Variants in RARRES1 observed in about 807,000 individuals in gnomAD.
The protein encoded by RARRES1 is retinoic acid receptor responder 1.
A neutral mutation model predicts 30.6 loss-of-function variants in RARRES1; 34 were observed. That is an observed-to-expected ratio of 1.11 (90% CI 0.84 to 1.48). The LOEUF (loss-of-function observed/expected upper bound fraction) is 1.48. RARRES1 is among the 40% of genes most tolerant of loss of function. The pLI, the probability that RARRES1 is intolerant of heterozygous loss-of-function variation, is 0.00. For synonymous variants in RARRES1, 153 were observed against 155.5 expected (o/e 0.98, Z 0.12); for missense variants, 373 against 386.5 (o/e 0.97, Z 0.29).
chr3:158,731,974 C>G (rs966049583), intron 1 of RARRES1, among the ~76,000 whole-genome samples, 166 bp downstream of exon 1: 5 of 152,208 alleles, frequency 3.3e-5, no homozygotes, highest in African/African-American at 4.8e-5. Context: ...CCCTGGGATA[C>G]TTCAGGGGCG....
intron 1 of RARRES1, among the ~76,000 whole-genome samples, chr3:158,714,799 G>C (rs919082080): frequency 1.3e-5 from 2 of 152,162 alleles, no homozygotes; most frequent in Non-Finnish European, 2.9e-5. Flanking sequence ...TAGAGCTGAA[G>C]TTATTTCACA....
intron 3 of RARRES1, among the ~76,000 whole-genome samples, chr3:158,708,859 G>A (rs1271875002): frequency 1.3e-5 from 2 of 152,056 alleles, no homozygotes; most frequent in African/African-American, 2.4e-5. Flanking sequence ...GGGTTTCACC[G>A]TGTTAGCCAG....
chr3:158,697,924 T>C lies in RARRES1; in HGVS notation c.719A>G (p.His240Arg). Residue 240 changes from histidine to arginine, a missense_variant, in exon 5 of 6, where the codon CAT (histidine) becomes CGT (arginine). Coordinates refer to ENST00000237696, the MANE Select transcript of RARRES1 (RefSeq NM_206963.2). ...TIDFDYTVLL[H>R]ELSTQEIIPC... ...ATGTTTTACCTGTGTTGATAATTCA[T>C]GAAGTAGAACAGTATAATCAAAATC... 1.3e-6 allele frequency: 2 copies of C among 1,554,428 alleles called. No individual in the cohort carries two copies. Among genetic ancestry groups the C allele is most frequent in the Non-Finnish European group, 1.8e-6 (2 of 1,127,340 alleles).
chr3:158,720,750 C>T (rs1020364279), intron 1 of RARRES1, among the ~76,000 whole-genome samples: 1 of 152,086 alleles, frequency 6.6e-6, no homozygotes, highest in Non-Finnish European at 1.5e-5. Context: ...TTCTCCGGGC[C>T]GCCTTTATCT....
Position 158,732,402 on chromosome 3 carries a change from C to A in RARRES1, c.14G>T (p.Arg5Leu). The A allele has an allele frequency of 6.6e-7, 1 of 1,510,576 alleles. No individual in the cohort carries two copies. Among genetic ancestry groups the A allele is most frequent in the Non-Finnish European group, 8.8e-7 (1 of 1,134,878 alleles). The allele number at this position is 1,510,576 out of a possible 1,614,324, so 93.6% of individuals were successfully genotyped here. The part of the protein sequence containing the change: MQPR[R>L]QRLPAPWSGP... ...GGACCAGGGAGCAGGCAGCCGTTGC[C>A]GGCGGGGCTGCATGGACGCAGGAAA... Residue 5 changes from arginine (R) to leucine (L), a missense_variant, in exon 1 of 6, where the codon CGG (arginine) becomes CTG (leucine). Coordinates refer to ENST00000237696, the MANE Select transcript of RARRES1 (RefSeq NM_206963.2).
At chr3:158,706,936 A>T (rs1177277969) in intron 3 of RARRES1, among the ~76,000 whole-genome samples, 1 of 152,184 alleles carries the variant, frequency 6.6e-6, no homozygotes. Flanking sequence ...TGGGAGGCCA[A>T]GGGGGGTGGA....
intron 2 of RARRES1, among the ~76,000 whole-genome samples, chr3:158,711,600 CTTTTT>C (rs1175463184): frequency 8.2e-6 from 1 of 121,314 alleles, no homozygotes; most frequent in Non-Finnish European, 1.7e-5. Context: ...TTGCATTCAT[CTTTTT>C]TTTTTTTTTT....
At chr3:158,700,062 G>C (rs890246954) in intron 4 of RARRES1, among the ~76,000 whole-genome samples, 77 of 152,190 alleles carry the variant, frequency 5.1e-4, no homozygotes. Context: ...GGCTGGACAT[G>C]GTGGCTCATG....
intron 4 of RARRES1, 162 bp from the exon 5 acceptor site, chr3:158,698,132 A>G: frequency 5.1e-6 from 3 of 585,708 alleles, no homozygotes; most frequent in Non-Finnish European, 9.2e-6. Flanking sequence ...TATGGAAGTC[A>G]TGGATCCTCA....
At chr3:158,731,265 A>G (rs1489500081) in intron 1 of RARRES1, among the ~76,000 whole-genome samples, 3 of 152,158 alleles carry the variant, frequency 2.0e-5, no homozygotes, top group Non-Finnish European at 2.9e-5. Context: ...AACTCGACCT[A>G]TTTATTAAAT....
chr3:158,718,963 A>G, intron 1 of RARRES1, among the ~76,000 whole-genome samples: 1 of 152,210 alleles, frequency 6.6e-6, no homozygotes, highest in East Asian at 1.9e-4. Flanking sequence ...TATAGATTAC[A>G]GTGATTTCAT....
chr3:158,722,985 G>A (rs545548902), intron 1 of RARRES1, among the ~76,000 whole-genome samples: 3 of 152,044 alleles, frequency 2.0e-5, no homozygotes, highest in South Asian at 4.2e-4. Flanking sequence ...GAGAAACCTC[G>A]CTGTGCACCA....
At chr3:158,717,971 T>C (rs191051881) in intron 1 of RARRES1, among the ~76,000 whole-genome samples, 20 of 143,278 alleles carry the variant, frequency 1.4e-4, no homozygotes, top group Middle Eastern at 3.7e-3. Context: ...ATACATTTTA[T>C]ATTAAGACAA....
chr3:158,721,166 G>A (rs1559873995), intron 1 of RARRES1, among the ~76,000 whole-genome samples: 1 of 152,148 alleles, frequency 6.6e-6, no homozygotes, highest in Non-Finnish European at 1.5e-5. Flanking sequence ...TGTGTGCCAG[G>A]GCATGGAAGC....
intron 1 of RARRES1, among the ~76,000 whole-genome samples, chr3:158,729,341 G>A (rs769685973): frequency 6.0e-5 from 9 of 151,138 alleles, no homozygotes; most frequent in Admixed American, 1.3e-4. Context: ...TATTCACTCG[G>A]GTTTTGAGAG....
intron 1 of RARRES1, among the ~76,000 whole-genome samples, chr3:158,728,750 CTGACCTCAAG>C (rs1250353438): frequency 6.6e-6 from 1 of 152,052 alleles, no homozygotes; most frequent in Admixed American, 6.5e-5. Context: ...TCTTGAACTC[CTGACCTCAAG>C]TGATCTGCTT....
At chr3:158,700,806 A>G (rs1726697924) in intron 4 of RARRES1, among the ~76,000 whole-genome samples, 1 of 152,172 alleles carries the variant, frequency 6.6e-6, no homozygotes, top group Non-Finnish European at 1.5e-5. Context: ...ATTTCCTGGT[A>G]ACTCAGCACT....
chr3:158,726,093 G>C (rs1727674331), intron 1 of RARRES1, among the ~76,000 whole-genome samples: 1 of 152,114 alleles, frequency 6.6e-6, no homozygotes, highest in Non-Finnish European at 1.5e-5. Flanking sequence ...GTTCACTTGA[G>C]TATTTTATTA....
intron 4 of RARRES1, among the ~76,000 whole-genome samples, chr3:158,701,832 G>C (rs1448507240): frequency 6.6e-6 from 1 of 152,056 alleles, no homozygotes; most frequent in Non-Finnish European, 1.5e-5. Context: ...AATTGCTCCA[G>C]GGATTTAAAT....
Sources: gnomAD v4.1 joint callset for allele counts (sites outside exome capture counted in the v4.1 genomes callset) on GRCh38, gnomAD v4.1.1 for gene constraint, MANE v1.5 for transcripts, NCBI Gene and HGNC (gene_info 2026-07-23, HGNC 2026-07-21) for gene names.